Variants in CRACD observed in about 807,000 individuals in gnomAD.
CRACD encodes the protein capping protein inhibiting regulator of actin dynamics.
In CRACD, 56 loss-of-function variants were observed where a neutral mutation model predicts 106.8. That is an observed-to-expected ratio of 0.52 (90% CI 0.42 to 0.66). CRACD has a LOEUF of 0.66. Among genes scored for constraint, CRACD ranks in the 30% least tolerant of loss-of-function variants. The pLI, the probability that CRACD is intolerant of heterozygous loss-of-function variation, is 0.00. For synonymous variants in CRACD, 754 were observed against 670.8 expected (o/e 1.12, Z -1.92); for missense variants, 1,730 against 1,623.2 (o/e 1.07, Z -1.13).
intron 2 of CRACD, among the ~76,000 whole-genome samples, chr4:56,229,706 A>G (rs1430124226): frequency 1.3e-5 from 2 of 152,194 alleles, no homozygotes; most frequent in African/African-American, 4.8e-5. Context: ...CATGATCATC[A>G]TTGTAAACAT....
chr4:56,317,018 T>C (rs1414556027), intron 8 of CRACD, among the ~76,000 whole-genome samples: 1 of 152,204 alleles, frequency 6.6e-6, no homozygotes, highest in Non-Finnish European at 1.5e-5. Context: ...TCAGCAAGGG[T>C]TGCAAAATGA....
chr4:56,160,076 C>T (rs778130250), intron 1 of CRACD, among the ~76,000 whole-genome samples: 10 of 151,688 alleles, frequency 6.6e-5, no homozygotes, highest in Non-Finnish European at 1.3e-4. Flanking sequence ...CCACTGTACC[C>T]GGCCAAAAAT....
At chr4:56,071,813 T>C (rs1434528856) in intron 1 of CRACD, among the ~76,000 whole-genome samples, 1 of 150,682 alleles carries the variant, frequency 6.6e-6, no homozygotes, top group African/African-American at 2.4e-5. Context: ...GTCTGGCCAA[T>C]CTCTTTTATA....
intron 1 of CRACD, among the ~76,000 whole-genome samples, chr4:56,110,293 A>G (rs980027148): frequency 3.3e-5 from 5 of 152,208 alleles, no homozygotes; most frequent in Non-Finnish European, 5.9e-5. Flanking sequence ...AGGGTGGAAG[A>G]AGTATGTTTT....
At chr4:56,316,739 A>T (rs1745696845) in intron 8 of CRACD, 50 bp downstream of exon 8, 8 of 1,499,344 alleles carry the variant, frequency 5.3e-6, no homozygotes, top group Non-Finnish European at 6.3e-6. Context: ...TGTCAGAGCC[A>T]GGGCATCAAG....
At chr4:56,221,704 C>T (rs571207512) in intron 2 of CRACD, among the ~76,000 whole-genome samples, 1 of 152,042 alleles carries the variant, frequency 6.6e-6, no homozygotes, top group South Asian at 2.1e-4. Flanking sequence ...CCCAAATAAT[C>T]CCATGAAAAA....
intron 3 of CRACD, among the ~76,000 whole-genome samples, chr4:56,279,794 T>C (rs1417759615): frequency 6.6e-6 from 1 of 152,086 alleles, no homozygotes; most frequent in East Asian, 1.9e-4. Context: ...CATTACTGGG[T>C]ATATACCCAA....
intron 1 of CRACD, among the ~76,000 whole-genome samples, chr4:56,085,457 G>GT (rs2109813229): frequency 6.6e-6 from 1 of 152,144 alleles, no homozygotes; most frequent in East Asian, 1.9e-4. Context: ...ATTCTTGTCT[G>GT]AGCTCTGCTG....
chr4:56,197,935 C>T (rs1737698298), intron 2 of CRACD, among the ~76,000 whole-genome samples: 7 of 152,164 alleles, frequency 4.6e-5, no homozygotes, highest in Admixed American at 4.6e-4. Flanking sequence ...CCTCGGCCTC[C>T]CAAAATGCTG....
intron 1 of CRACD, among the ~76,000 whole-genome samples, chr4:56,132,135 C>T (rs549928713): frequency 2.0e-5 from 3 of 152,188 alleles, no homozygotes; most frequent in South Asian, 2.1e-4. Context: ...CCTTTACCTT[C>T]CAGGCTCAAG....
At chr4:56,153,931 C>T (rs981093816) in intron 1 of CRACD, among the ~76,000 whole-genome samples, 2 of 152,188 alleles carry the variant, frequency 1.3e-5, no homozygotes, top group African/African-American at 4.8e-5. Context: ...GCCCATACCT[C>T]GTTATTCACT....
chr4:56,055,147 G>T (rs1323419845), intron 1 of CRACD, among the ~76,000 whole-genome samples: 1 of 152,106 alleles, frequency 6.6e-6, no homozygotes, highest in Non-Finnish European at 1.5e-5. Context: ...TTGCTAAAAA[G>T]GCATTTTGTT....
chr4:56,123,331 G>A (rs916309502), intron 1 of CRACD, among the ~76,000 whole-genome samples: 5 of 152,232 alleles, frequency 3.3e-5, no homozygotes, highest in African/African-American at 1.2e-4. Context: ...CTGAGATCAA[G>A]GTGCTGACCT....
intron 2 of CRACD, among the ~76,000 whole-genome samples, chr4:56,186,203 A>T (rs917410514): frequency 1.3e-5 from 2 of 152,190 alleles, no homozygotes; most frequent in Admixed American, 1.3e-4. Context: ...TCCTTTTGTG[A>T]TGGTAGAAGA....
intron 1 of CRACD, among the ~76,000 whole-genome samples, chr4:56,083,156 C>T (rs1032338156): frequency 1.3e-5 from 2 of 152,136 alleles, no homozygotes; most frequent in African/African-American, 2.4e-5. Flanking sequence ...GGAGTGATAA[C>T]AAGACACAGA....
intron 2 of CRACD, among the ~76,000 whole-genome samples, chr4:56,225,116 T>TCTTG (rs1363411605): frequency 7.2e-5 from 11 of 152,232 alleles, no homozygotes; most frequent in African/African-American, 2.4e-4. Context: ...TGAGATGGTG[T>TCTTG]CTTGCTCTCT....
intron 2 of CRACD, among the ~76,000 whole-genome samples, chr4:56,225,129 C>A (rs144670418): frequency 1.8e-4 from 28 of 152,186 alleles, no homozygotes; most frequent in Non-Finnish European, 3.8e-4. Flanking sequence ...TGCTCTCTTG[C>A]CCAGGCTGGA....
chr4:56,227,585 A>G (rs764049886), intron 2 of CRACD, among the ~76,000 whole-genome samples: 8 of 152,214 alleles, frequency 5.3e-5, no homozygotes, highest in African/African-American at 1.2e-4. Context: ...ATAAAGGGCC[A>G]GATAGTAAAT....
intron 1 of CRACD, among the ~76,000 whole-genome samples, chr4:56,169,875 A>C (rs1736293074): frequency 2.0e-5 from 3 of 152,168 alleles, no homozygotes; most frequent in Admixed American, 6.5e-5. Context: ...TGTGCTTGTG[A>C]ACAGTTGCCT....
Sources: allele counts gnomAD v4.1 joint callset (sites outside exome capture counted in the v4.1 genomes callset), GRCh38; gene constraint gnomAD v4.1.1; transcripts MANE v1.5; gene names NCBI Gene and HGNC (gene_info 2026-07-23, HGNC 2026-07-21).